The following CACHD1 variants were observed in gnomAD, a reference collection of about 807,000 sequenced individuals.
CACHD1 encodes the protein VWFA and cache domain-containing protein 1.
CACHD1 carries 71 observed loss-of-function variants against 138.7 expected under a neutral mutation model. The observed-to-expected ratio is 0.51, with a 90% CI of 0.42 to 0.62. The LOEUF is 0.62. Ranked by LOEUF, CACHD1 falls within the 20% of genes least tolerant of loss-of-function variation. The probability of loss-of-function intolerance (pLI) is 0.00; values close to 1 mark genes in which losing one functional copy is unlikely to be tolerated. For synonymous variants in CACHD1, 578 were observed against 591.5 expected, an observed-to-expected ratio of 0.98 and a Z score of 0.33; for missense variants, 1,389 against 1,625.3, an observed-to-expected ratio of 0.85 and a Z score of 2.50.
In CACHD1 at chr1:64,679,707, C is replaced by A. The variant is rs1462733515; in HGVS notation, c.3357C>A (p.His1119Gln). The A allele has an allele frequency of 6.2e-7, 1 of 1,614,024 alleles. No individual in the cohort carries two copies. The highest frequency in any genetic ancestry group is 8.5e-7 in the Non-Finnish European group (1 of 1,180,032). The stretch of plus-strand genomic sequence containing the variant: ...TCCTGGCGGTGTATGCCTACCGCCA[C>A]CAGATTCATCGCCGGAGCCATCAGC... ...VLVLAVYAYR[H>Q]QIHRRSHQHM... Residue 1119 changes from histidine to glutamine, a missense_variant, in exon 24 of 27, where the codon CAC becomes CAA. Transcript: ENST00000651257.
At chr1:64,685,358 C>T (rs1360964982) in intron 26 of CACHD1, among the ~76,000 whole-genome samples, 1 of 152,088 alleles carries the variant, frequency 6.6e-6, no homozygotes, top group Non-Finnish European at 1.5e-5. Context: ...GACATTTGTG[C>T]AATGATGAAA....
chr1:64,519,768 C>T (rs1646484959), intron 1 of CACHD1, among the ~76,000 whole-genome samples: 1 of 67,644 alleles, frequency 1.5e-5, no homozygotes, highest in Non-Finnish European at 4.5e-5. Context: ...TTGCAAACAG[C>T]TCTCGGTCAT....
intron 3 of CACHD1, among the ~76,000 whole-genome samples, chr1:64,600,623 G>A (rs1395485642): frequency 6.6e-6 from 1 of 152,094 alleles, no homozygotes; most frequent in African/African-American, 2.4e-5. Context: ...TGTATGCAGT[G>A]GTGAACAAAA....
At chr1:64,681,850 C>T (rs1650202257) in intron 25 of CACHD1, among the ~76,000 whole-genome samples, 155 bp from the exon 26 acceptor site, 1 of 152,066 alleles carries the variant, frequency 6.6e-6, no homozygotes, top group Admixed American at 6.5e-5. Flanking sequence ...CTAAAATCAG[C>T]ACCCCAATCC....
chr1:64,655,328 T>TTGTG (rs202107132), intron 12 of CACHD1, among the ~76,000 whole-genome samples: 1 of 152,034 alleles, frequency 6.6e-6, no homozygotes, highest in Non-Finnish European at 1.5e-5. Flanking sequence ...GTATATATAT[T>TTGTG]TGTGTGTGTG....
In CACHD1 at chr1:64,664,603, G is replaced by A. The variant is rs1253494840; in HGVS notation, c.2200G>A (p.Ala734Thr). 2 of 1,614,076 alleles carry A rather than the reference G, an allele frequency of 1.2e-6. No homozygotes were observed. The highest frequency in any genetic ancestry group is 2.2e-5 in the East Asian group (1 of 44,904). ...CACTTACATTGTCCGCCGTTACATA[G>A]CAACACCCAATGGCGTCCTCAGAAT... ...LNTYIVRRYI[A>T]TPNGVLRIYP... The change falls in exon 15 of 27, where the codon GCA (alanine) becomes ACA (threonine). Residue 734 changes from alanine to threonine, a missense_variant. By Grantham distance (58) the Ala-to-Thr change is moderately conservative. Coordinates refer to ENST00000651257, the MANE Select transcript of CACHD1 (RefSeq NM_020925.4).
chr1:64,650,949 C>G (rs1352011553), intron 9 of CACHD1, among the ~76,000 whole-genome samples: 1 of 151,874 alleles, frequency 6.6e-6, no homozygotes, highest in East Asian at 1.9e-4. Context: ...GAGTCTCATT[C>G]CAAGACGTGG....
rs745341772 is a variant in CACHD1 at position 64,496,072 on chromosome 1, T to C, written c.198+25130T>C. On this transcript the variant is annotated intron_variant, in intron 1 of 26. Coordinates refer to ENST00000651257, the MANE Select transcript of CACHD1 (RefSeq NM_020925.4). The stretch of plus-strand genomic sequence containing the variant: ...GATTTGTTTGCCAACCTGGCCCATG[T>C]CCCAGACAATGCATCCTAGAACATG... Among the ~76,000 whole-genome samples, 76 of 152,166 alleles carry C rather than the reference T, an allele frequency of 5.0e-4. 1 individual carries two copies. Among genetic ancestry groups the C allele is most frequent in the Non-Finnish European group, 1.3e-4 (9 of 68,028 alleles).
At chr1:64,621,771 G>C (rs1045613278) in intron 4 of CACHD1, among the ~76,000 whole-genome samples, 10 of 152,184 alleles carry the variant, frequency 6.6e-5, no homozygotes, top group Admixed American at 2.0e-4. Context: ...TGAGTTGAAG[G>C]GGGAAGAGGT....
At chr1:64,664,751 T>G in intron 15 of CACHD1, 72 bp downstream of exon 15, 1 of 1,365,596 alleles carries the variant, frequency 7.3e-7, no homozygotes, top group Non-Finnish European at 1.0e-6. Context: ...GTACATACAA[T>G]AAAGCAACTT....
intron 3 of CACHD1, among the ~76,000 whole-genome samples, chr1:64,587,492 C>T (rs1326062373): frequency 1.3e-5 from 2 of 152,140 alleles, no homozygotes; most frequent in African/African-American, 2.4e-5. Context: ...CTTTCCTTCT[C>T]AGACCAGTCA....
At chr1:64,582,092 GA>G (rs1375761432) in intron 2 of CACHD1, 63 bp from the exon 3 acceptor site, 3 of 1,559,594 alleles carry the variant, frequency 1.9e-6, no homozygotes, top group Non-Finnish European at 2.6e-6. Flanking sequence ...TAGTTTATTA[GA>G]AAAAAATACA....
Position 64,681,998 on chromosome 1 carries a change from C to T in CACHD1, c.3485-7C>T, listed in dbSNP as rs370807789. 4.3e-6 allele frequency: 7 copies of T among 1,613,508 alleles called. No homozygotes were observed. The highest frequency in any genetic ancestry group is 5.9e-6 in the Non-Finnish European group (7 of 1,179,592). ...GAGTGACATTAACTGTCCTTGGCTT[C>T]CTACAGTCAGCAACACTCGGTTTAT... is the stretch of plus-strand genomic sequence containing the variant. On this transcript the variant is annotated splice_region_variant and splice_polypyrimidine_tract_variant and intron_variant, in intron 25 of 26. Coordinates refer to ENST00000651257, the MANE Select transcript of CACHD1 (RefSeq NM_020925.4).
intron 4 of CACHD1, among the ~76,000 whole-genome samples, chr1:64,622,092 G>A (rs1243828660): frequency 6.6e-6 from 1 of 152,124 alleles, no homozygotes; most frequent in African/African-American, 2.4e-5. Flanking sequence ...ATAGCACCAG[G>A]CCTTTTCCAA....
intron 7 of CACHD1, 65 bp from the exon 8 acceptor site, chr1:64,641,755 G>A (rs1180170403): frequency 1.5e-6 from 2 of 1,317,246 alleles, no homozygotes; most frequent in Non-Finnish European, 2.0e-6. Context: ...ACATGAACAG[G>A]AAACTGAACT....
At chr1:64,486,489 C>T (rs1044152811) in intron 1 of CACHD1, among the ~76,000 whole-genome samples, 1 of 152,010 alleles carries the variant, frequency 6.6e-6, no homozygotes, top group African/African-American at 2.4e-5. Context: ...AATTGATTTT[C>T]TTTCGAGTGA....
chr1:64,509,599 A>G (rs542167551), intron 1 of CACHD1, among the ~76,000 whole-genome samples: 41 of 152,350 alleles, frequency 2.7e-4, no homozygotes, highest in African/African-American at 9.4e-4. Context: ...TTGACCATGA[A>G]ATCAGCCCTA....
chr1:64,580,435 C>T (rs936113227), intron 2 of CACHD1, among the ~76,000 whole-genome samples: 9 of 151,888 alleles, frequency 5.9e-5, no homozygotes, highest in East Asian at 1.9e-4. Flanking sequence ...CATGTACCCC[C>T]GAACCTAAAA....
At chr1:64,542,249 C>T (rs1646682719) in intron 1 of CACHD1, among the ~76,000 whole-genome samples, 1 of 152,078 alleles carries the variant, frequency 6.6e-6, no homozygotes, top group African/African-American at 2.4e-5. Context: ...GTTTGTTGAC[C>T]TGGGTCATGT....
Sources: gnomAD v4.1 joint callset for allele counts (sites outside exome capture counted in the v4.1 genomes callset) on GRCh38, gnomAD v4.1.1 for gene constraint, MANE v1.5 for transcripts, NCBI Gene and HGNC (gene_info 2026-07-23, HGNC 2026-07-21) for gene names.